CFH: variants seen among roughly 807,000 people sequenced by gnomAD.
The protein encoded by CFH is complement factor H, also known as H factor 1 (complement).
CFH carries 53 observed loss-of-function variants against 147.3 expected under a neutral mutation model. That is an observed-to-expected ratio of 0.36 (90% confidence interval 0.29 to 0.45). The LOEUF is 0.45. CFH is among the 20% of genes least tolerant of loss of function. CFH has a pLI of 1.00. For missense variants in CFH, 1,380 were observed against 1,498.0 expected (o/e 0.92, Z 1.30); for synonymous variants, 536 against 489.4 (o/e 1.10, Z -1.26).
intron 11 of CFH, among the ~76,000 whole-genome samples, chr1:196,717,585 C>T (rs1044977459): frequency 6.6e-6 from 1 of 152,050 alleles, no homozygotes; most frequent in African/African-American, 2.4e-5. Context: ...ATGAGCTAGA[C>T]ATTCAATACA....
intron 9 of CFH, among the ~76,000 whole-genome samples, chr1:196,704,249 C>T (rs1479706837): frequency 6.6e-6 from 1 of 151,920 alleles, no homozygotes; most frequent in Non-Finnish European, 1.5e-5. Context: ...CGTGTGCCAC[C>T]ACAGCCAGCT....
intron 1 of CFH, among the ~76,000 whole-genome samples, chr1:196,664,045 A>T (rs1034105714): frequency 1.3e-5 from 2 of 151,028 alleles, no homozygotes; most frequent in African/African-American, 2.5e-5. Context: ...TTATTTCAAA[A>T]CATATGTTTT....
rs55747351 is a variant in CFH at position 196,652,325 on chromosome 1, T to C, written c.58+150T>C. 7,160 of 602,224 alleles carry C rather than the reference T, an allele frequency of 0.012. 100 individuals are homozygous for C. Among genetic ancestry groups the C allele is most frequent in the Non-Finnish European group, 0.014 (4,805 of 341,306 alleles). 37.3% of individuals were successfully genotyped at this position (602,224 alleles called of 1,614,324 possible). A position where few individuals can be genotyped will look rare whatever the true frequency, so the allele number is the denominator to read the frequency against. On this transcript the variant is annotated intron_variant, in intron 1 of 21. Transcript: ENST00000367429. ...GAGTGGCTTTTGACATTGTTGAGTT[T>C]AAAAAATGTAAGAACCTTATTTGAA...
At chr1:196,728,911 A>T (rs1193846821) in intron 15 of CFH, among the ~76,000 whole-genome samples, 1 of 151,710 alleles carries the variant, frequency 6.6e-6, no homozygotes, top group African/African-American at 2.4e-5. Context: ...GTATGTATGT[A>T]TCTATATCTA....
chr1:196,711,468 A>T (rs1668721125), intron 9 of CFH, among the ~76,000 whole-genome samples: 1 of 151,128 alleles, frequency 6.6e-6, no homozygotes, highest in African/African-American at 2.4e-5. Context: ...CAAAATGTGG[A>T]TTTTTTTTTA....
At chr1:196,714,635 G>GTGTATATATATATATATATATATA (rs1392624278) in intron 10 of CFH, among the ~76,000 whole-genome samples, 1 of 24,924 alleles carries the variant, frequency 4.0e-5, no homozygotes, top group African/African-American at 1.7e-4. Context: ...ACGTATATAT[G>GTGTATATATATATATATATATATA]TATATATATA....
intron 6 of CFH, among the ~76,000 whole-genome samples, chr1:196,684,531 A>G (rs182129516): frequency 1.5e-3 from 221 of 152,082 alleles, no homozygotes; most frequent in Non-Finnish European, 2.8e-3. Flanking sequence ...TAATCGCGGT[A>G]TCTTTGGGAA....
chr1:196,686,767 C>A (rs1054962878), intron 7 of CFH, among the ~76,000 whole-genome samples: 1 of 151,970 alleles, frequency 6.6e-6, no homozygotes. Flanking sequence ...CAACTGAGAC[C>A]CAACTATATT....
chr1:196,742,869 T>C (rs1652858494), intron 19 of CFH, among the ~76,000 whole-genome samples: 1 of 152,234 alleles, frequency 6.6e-6, no homozygotes, highest in South Asian at 2.1e-4. Context: ...ATTTTTATTA[T>C]TATAGGCTTT....
chr1:196,697,160 C>A (rs1333676103), intron 9 of CFH, among the ~76,000 whole-genome samples: 4 of 152,176 alleles, frequency 2.6e-5, no homozygotes, highest in Admixed American at 2.0e-4. Context: ...CAAATGGGAT[C>A]TAATTAAACT....
intron 4 of CFH, 112 bp from the exon 5 acceptor site, chr1:196,677,364 A>G (rs1352264023): frequency 1.0e-6 from 1 of 981,316 alleles, no homozygotes; most frequent in Non-Finnish European, 1.6e-6. Flanking sequence ...TTCTAAAAAT[A>G]ATTTAAGTAA....
rs115325629 is a variant in CFH, at chr1:196,744,598, C to G, written c.3310+970C>G. Among the ~76,000 whole-genome samples, 1,036 of 152,130 alleles carry G rather than the reference C, an allele frequency of 6.8e-3. 5 individuals are homozygous for G. Among genetic ancestry groups the G allele is most frequent in the Non-Finnish European group, 9.2e-3 (626 of 67,972 alleles). ...TAAATCTACAACTGGAATATGGAAA[C>G]CTTACTTTCATGTAGATCCATTTAC... On this transcript the variant is annotated intron_variant, in intron 20 of 21. Transcript: ENST00000367429.
At chr1:196,679,187 C>T (rs759944025) in intron 5 of CFH, 1 of 153,488 alleles carries the variant, frequency 6.5e-6, no homozygotes, top group Non-Finnish European at 1.4e-5. Flanking sequence ...GACACAAAAA[C>T]AGGTCAGTTA....
chr1:196,688,282 T>G (rs1667896347), intron 7 of CFH, among the ~76,000 whole-genome samples: 1 of 152,030 alleles, frequency 6.6e-6, no homozygotes, highest in Non-Finnish European at 1.5e-5. Context: ...AATGTATTTG[T>G]CAAAATTAAT....
At chr1:196,742,654 G>T (rs1652849816) in intron 19 of CFH, among the ~76,000 whole-genome samples, 2 of 152,058 alleles carry the variant, frequency 1.3e-5, no homozygotes, top group African/African-American at 4.8e-5. Flanking sequence ...AATTCCGTAA[G>T]CTCATTCTAG....
chr1:196,702,719 G>A lies in CFH; in HGVS notation c.1337-11016G>A, dbSNP rs144103254. On this transcript the variant is annotated intron_variant, in intron 9 of 21. Transcript: ENST00000367429. ...CTGACTCTCCCAGTAATCCAGTAAG[G>A]GCAGCTGCTCAGATTGCAGTTCCCA... Among the ~76,000 whole-genome samples, 557 of 152,180 alleles carry A rather than the reference G, an allele frequency of 3.7e-3. 7 individuals are homozygous for A. The highest frequency in any genetic ancestry group is 0.012 in the African/African-American group (513 of 41,520).
At position 196,742,033 on chromosome 1, in the gene CFH, G is replaced by A. The variant is rs1168653605; in HGVS notation, c.3115G>A (p.Gly1039Arg). The A allele has an allele frequency of 1.2e-6, 2 of 1,614,104 alleles. No homozygotes were observed. Among genetic ancestry groups the A allele is most frequent in the Non-Finnish European group, 1.7e-6 (2 of 1,180,002 alleles). ...AACATGCATTAATAGCAGATGGACA[G>A]GAAGGCCAACATGCAGAGGTACTTT... ...NVTCINSRWT[G>R]RPTCRDTSCV... Residue 1039 changes from glycine (G) to arginine (R), a missense_variant, in exon 19 of 22, where the codon GGA becomes AGA. By Grantham distance (125) the Gly-to-Arg change is moderately radical. Coordinates refer to ENST00000367429, the MANE Select transcript of CFH (RefSeq NM_000186.4).
At chr1:196,718,943 A>G (rs189423635) in intron 11 of CFH, among the ~76,000 whole-genome samples, 34 of 152,232 alleles carry the variant, frequency 2.2e-4, no homozygotes, top group Non-Finnish European at 3.5e-4. Flanking sequence ...TCTCTCAGCC[A>G]TGTAACAGAA....
intron 9 of CFH, among the ~76,000 whole-genome samples, chr1:196,709,135 A>G (rs1558170959): frequency 1.3e-5 from 2 of 152,130 alleles, no homozygotes; most frequent in Non-Finnish European, 2.9e-5. Flanking sequence ...CAAACTAAAG[A>G]AAATATTTCA....
Sources: gnomAD v4.1 joint callset for allele counts (sites outside exome capture counted in the v4.1 genomes callset) on GRCh38, gnomAD v4.1.1 for gene constraint, MANE v1.5 for transcripts, NCBI Gene and HGNC (gene_info 2026-07-23, HGNC 2026-07-21) for gene names.